Variants in PALM2AKAP2 observed in about 807,000 individuals in gnomAD.
PALM2AKAP2 encodes the protein PALM2 and AKAP2 fusion, also known as PALM2-AKAP2 fusion protein.
In PALM2AKAP2, 37 loss-of-function variants were observed where a neutral mutation model predicts 71.5. That is an observed-to-expected ratio of 0.52 (90% CI 0.40 to 0.68). PALM2AKAP2 has a LOEUF of 0.68. Among genes scored for constraint, PALM2AKAP2 ranks in the 30% least tolerant of loss-of-function variants. The pLI, the probability that PALM2AKAP2 is intolerant of heterozygous loss-of-function variation, is 0.00. For missense variants in PALM2AKAP2, 1,224 were observed against 1,191.8 expected (o/e 1.03, Z -0.40); for synonymous variants, 468 against 478.8 (o/e 0.98, Z 0.29).
exon 7 of PALM2AKAP2, chr9:110,016,015 A>G (rs1399739820): frequency 2.5e-6 from 4 of 1,613,924 alleles, no homozygotes; most frequent in Non-Finnish European, 3.4e-6. Context: ...CCACAGAAAC[A>G]TCCGGCCCAG....
intron 1 of PALM2AKAP2, among the ~76,000 whole-genome samples, chr9:109,748,439 A>G (rs1471955432): frequency 6.6e-6 from 1 of 152,178 alleles, no homozygotes; most frequent in Non-Finnish European, 1.5e-5. Flanking sequence ...CAGCTCTTGT[A>G]CAGAAGAGGA....
chr9:110,042,803 T>C (rs1294232016), intron 7 of PALM2AKAP2, among the ~76,000 whole-genome samples: 1 of 152,214 alleles, frequency 6.6e-6, no homozygotes, highest in Non-Finnish European at 1.5e-5. Context: ...TCTTTTTTAA[T>C]TTTTGTGGGT....
At chr9:109,995,041 T>G (rs1832548592) in intron 6 of PALM2AKAP2, among the ~76,000 whole-genome samples, 1 of 152,242 alleles carries the variant, frequency 6.6e-6, no homozygotes, top group African/African-American at 2.4e-5. Flanking sequence ...AAAACCCTTC[T>G]GGAACTTTCC....
At chr9:110,076,709 G>A (rs1261575737) in intron 1 of PALM2AKAP2, among the ~76,000 whole-genome samples, 1 of 151,668 alleles carries the variant, frequency 6.6e-6, no homozygotes, top group Non-Finnish European at 1.5e-5. Context: ...AAAATATAGG[G>A]TCCCAAATCA....
chr9:109,674,787 T>C (rs1441619906), intron 1 of PALM2AKAP2, among the ~76,000 whole-genome samples: 1 of 152,082 alleles, frequency 6.6e-6, no homozygotes, highest in Non-Finnish European at 1.5e-5. Flanking sequence ...TATAAGAATA[T>C]GAATAAAATA....
chr9:109,683,322 G>C lies in PALM2AKAP2; in HGVS notation c.5+42456G>C, dbSNP rs182354477. The stretch of plus-strand genomic sequence containing the variant: ...CAGATCTTGAGATGAGATCATTCTT[G>C]ATTTAATCCAATGTCAGATATCCTT... On this transcript the variant is annotated intron_variant, in intron 1 of 6. Coordinates refer to the PALM2AKAP2 transcript ENST00000374531. Among the ~76,000 whole-genome samples the C allele has an allele frequency of 1.1e-4, 16 of 152,242 alleles. No homozygotes were observed. In the East Asian group the frequency reaches 3.1e-3, roughly 29 times the overall value.
chr9:110,084,805 G>A (rs1299578913), intron 1 of PALM2AKAP2, among the ~76,000 whole-genome samples: 3 of 151,600 alleles, frequency 2.0e-5, no homozygotes, highest in South Asian at 2.1e-4. Context: ...GCACGATCTC[G>A]GCTCACTGCA....
intron 6 of PALM2AKAP2, among the ~76,000 whole-genome samples, chr9:109,990,067 C>CTTTTTTTTTTTTTTTT (rs35739397): frequency 2.5e-4 from 33 of 134,114 alleles, no homozygotes; most frequent in Admixed American, 3.1e-4. Context: ...TTCTTTCTTT[C>CTTTTTTTTTTTTTTTT]TTTTTTTTTT....
intron 1 of PALM2AKAP2, among the ~76,000 whole-genome samples, chr9:109,661,299 CT>C (rs1331345373): frequency 6.6e-6 from 1 of 152,148 alleles, no homozygotes; most frequent in Non-Finnish European, 1.5e-5. Context: ...GGTTTTAGGT[CT>C]ACCATTTAAG....
chr9:110,130,613 CT>C (rs1835712608), intron 1 of PALM2AKAP2, among the ~76,000 whole-genome samples: 1 of 152,184 alleles, frequency 6.6e-6, no homozygotes, highest in South Asian at 2.1e-4. Flanking sequence ...GAAATCTCAG[CT>C]CCCTAAATTT....
At chr9:110,162,279 T>C (rs1214123047) in intron 3 of PALM2AKAP2, 147 bp downstream of exon 10, 4 of 1,230,920 alleles carry the variant, frequency 3.2e-6, no homozygotes, top group Non-Finnish European at 4.7e-6. Context: ...TGTTCTGAAA[T>C]ATGGGACTGC....
intron 1 of PALM2AKAP2, chr9:110,125,458 A>C: frequency 8.1e-5 from 76 of 940,356 alleles, no homozygotes; most frequent in Non-Finnish European, 9.3e-5. Flanking sequence ...GAGCAGAGGG[A>C]GGGCCCACGG....
exon 4 of PALM2AKAP2, chr9:110,170,436 G>A (rs925921542): frequency 2.0e-5 from 3 of 152,486 alleles, no homozygotes; most frequent in African/African-American, 7.2e-5. Flanking sequence ...TTGACTTTGG[G>A]GGGGGACATT....
At chr9:110,102,841 G>C (rs540390387) in intron 1 of PALM2AKAP2, among the ~76,000 whole-genome samples, 1 of 151,986 alleles carries the variant, frequency 6.6e-6, no homozygotes, top group African/African-American at 2.4e-5. Context: ...CTTCCTCCTC[G>C]AGCCCCTTAC....
rs1830452519 is a variant in PALM2AKAP2, at chr9:109,906,609, C to A, written c.258-17126C>A. 2.0e-5 allele frequency among the ~76,000 whole-genome samples: 3 copies of A among 152,220 alleles called. No homozygotes were observed. The South Asian group carries it at 6.2e-4, about 31-fold the overall frequency. On this transcript the variant is annotated intron_variant, in intron 3 of 9. Transcript: ENST00000302798. ...GTCAACATCATTATACTATAAAAATCAATAAATGGAACCTTCTTGCTTCCC... is the reference window on the plus strand; with the variant it reads ...GTCAACATCATTATACTATAAAAATAAATAAATGGAACCTTCTTGCTTCCC...
chr9:110,131,450 A>G (rs1835732324), intron 1 of PALM2AKAP2, among the ~76,000 whole-genome samples: 1 of 152,228 alleles, frequency 6.6e-6, no homozygotes, highest in African/African-American at 2.4e-5. Flanking sequence ...ATCTGGAATC[A>G]CGTTCGCCTA....
At chr9:109,819,633 A>G (rs1253968595) in intron 1 of PALM2AKAP2, among the ~76,000 whole-genome samples, 2 of 123,348 alleles carry the variant, frequency 1.6e-5, no homozygotes, top group African/African-American at 5.4e-5. Context: ...CCTTCTGCAT[A>G]CATCATTGAG....
intron 1 of PALM2AKAP2, among the ~76,000 whole-genome samples, chr9:109,700,795 A>G (rs982511652): frequency 2.0e-5 from 3 of 152,216 alleles, no homozygotes; most frequent in African/African-American, 7.2e-5. Flanking sequence ...TTAATCCAGG[A>G]AAGCAGATGT....
intron 1 of PALM2AKAP2, among the ~76,000 whole-genome samples, chr9:109,849,633 G>A (rs997448531): frequency 6.6e-6 from 1 of 152,090 alleles, no homozygotes; most frequent in South Asian, 2.1e-4. Flanking sequence ...GCGTGCACCT[G>A]TAATCCCAGC....
Sources: allele counts gnomAD v4.1 joint callset (sites outside exome capture counted in the v4.1 genomes callset), GRCh38; gene constraint gnomAD v4.1.1; transcripts MANE v1.5; gene names NCBI Gene and HGNC (gene_info 2026-07-23, HGNC 2026-07-21).